Variants in NDUFAF7 observed in about 807,000 individuals in gnomAD.
NDUFAF7 encodes protein arginine methyltransferase NDUFAF7, mitochondrial.
NDUFAF7 carries 48 observed loss-of-function variants against 47.2 expected under a neutral mutation model. The observed-to-expected ratio is 1.02, with a 90% CI of 0.81 to 1.29. The LOEUF (loss-of-function observed/expected upper bound fraction) is 1.29. NDUFAF7 is among the 50% of genes most tolerant of loss of function. The pLI is 0.00. For synonymous variants in NDUFAF7, 217 were observed against 190.0 expected (o/e 1.14, Z -1.17); for missense variants, 635 against 537.6 (o/e 1.18, Z -1.79).
At chr2:37,245,990 A>T (rs1470112300) in intron 7 of NDUFAF7, 62 bp from the exon 8 acceptor site, 5 of 1,577,958 alleles carry the variant, frequency 3.2e-6, no homozygotes, top group Non-Finnish European at 4.3e-6. Context: ...AACCTGAAAA[A>T]CCGTAAGGAA....
the NDUFAF7 span, among the ~76,000 whole-genome samples, chr2:37,259,846 C>T: frequency 2.0e-5 from 3 of 152,184 alleles, no homozygotes; most frequent in Non-Finnish European, 4.4e-5. Flanking sequence ...AATCACCCAA[C>T]ATGTAAAAGT....
At chr2:37,251,788 C>G (rs1399589408), downstream of NDUFAF7, 1 of 152,006 alleles carries the variant, frequency 6.6e-6, no homozygotes, top group Non-Finnish European at 1.5e-5. Flanking sequence ...GCCGACAGAC[C>G]TGCCATCTGT....
chr2:37,250,106 T>A (rs1179268169), downstream of NDUFAF7, among the ~76,000 whole-genome samples: 1 of 152,084 alleles, frequency 6.6e-6, no homozygotes, highest in Non-Finnish European at 1.5e-5. Flanking sequence ...AAGACAGTTC[T>A]TCCAATGTGG....
chr2:37,233,848 G>A (rs1665466970), intron 2 of NDUFAF7, among the ~76,000 whole-genome samples: 1 of 151,976 alleles, frequency 6.6e-6, no homozygotes, highest in Non-Finnish European at 1.5e-5. Context: ...TCATGAAGCT[G>A]GATGGAAAAA....
chr2:37,257,861 C>T (rs1668105092), downstream of NDUFAF7, among the ~76,000 whole-genome samples: 1 of 152,068 alleles, frequency 6.6e-6, no homozygotes, highest in Non-Finnish European at 1.5e-5. Context: ...AACAGCAACA[C>T]TTTTCTATCA....
downstream of NDUFAF7, chr2:37,254,070 A>G: frequency 3.1e-6 from 2 of 651,542 alleles, no homozygotes; most frequent in South Asian, 1.9e-5. Flanking sequence ...CCAGAGATTC[A>G]GCCATAGTAC....
the NDUFAF7 span, among the ~76,000 whole-genome samples, chr2:37,270,284 TA>T: frequency 0.12 from 17,484 of 142,434 alleles, 1,412 homozygotes; most frequent in East Asian, 0.36. Context: ...CAAATCTACC[TA>T]AAAAAAATTA....
downstream of NDUFAF7, chr2:37,256,628 A>ATTTTTTTTTTTTT (rs56389006): frequency 1.7e-6 from 2 of 1,202,288 alleles, no homozygotes; most frequent in East Asian, 6.3e-5. Flanking sequence ...CATAGCCAAA[A>ATTTTTTTTTTTTT]TTTTTTTTTT....
At chr2:37,244,897 G>T (rs1666743911) in intron 7 of NDUFAF7, among the ~76,000 whole-genome samples, 10 of 148,644 alleles carry the variant, frequency 6.7e-5, no homozygotes, top group Admixed American at 6.6e-4. Flanking sequence ...TTTAGTTCTT[G>T]ACCTAATTAG....
intron 1 of NDUFAF7, 103 bp from the exon 2 acceptor site, chr2:37,232,003 C>T: frequency 6.2e-7 from 1 of 1,603,948 alleles, no homozygotes; most frequent in South Asian, 1.1e-5. Flanking sequence ...TGCGGTGGGG[C>T]GAGGTTAAGG....
At chr2:37,253,078 C>G (rs754006585), downstream of NDUFAF7, 194 of 1,233,292 alleles carry the variant, frequency 1.6e-4, no homozygotes, top group Non-Finnish European at 2.1e-4. Flanking sequence ...TTCTTCATAT[C>G]TTTGCAGCAC....
intron 1 of NDUFAF7, 154 bp downstream of exon 1, chr2:37,231,914 C>A: frequency 6.3e-7 from 1 of 1,590,454 alleles, no homozygotes; most frequent in Non-Finnish European, 8.5e-7. Context: ...GGTACAAACG[C>A]AATAGGGCTG....
intron 4 of NDUFAF7, 50 bp from the exon 5 acceptor site, chr2:37,241,528 T>C (rs1666327588): frequency 2.1e-6 from 3 of 1,445,000 alleles, no homozygotes; most frequent in Non-Finnish European, 2.9e-6. Flanking sequence ...ATTAGGAAAC[T>C]TAAAACCTAC....
intron 7 of NDUFAF7, among the ~76,000 whole-genome samples, chr2:37,245,354 A>G (rs186713655): frequency 6.6e-6 from 1 of 152,308 alleles, no homozygotes; most frequent in Non-Finnish European, 1.5e-5. Context: ...TTTCAATCAG[A>G]TCAGGAAGTA....
chr2:37,258,437 T>G, the NDUFAF7 span, among the ~76,000 whole-genome samples: 4 of 152,194 alleles, frequency 2.6e-5, no homozygotes, highest in African/African-American at 4.8e-5. Context: ...GGCAACTGAT[T>G]AAAGAAGTGG....
At chr2:37,268,309 G>A in the NDUFAF7 span, 1 of 471,036 alleles carries the variant, frequency 2.1e-6, no homozygotes, top group Non-Finnish European at 4.4e-6. Context: ...ACCTCGGACA[G>A]TTCTTTGTTC....
the NDUFAF7 span, chr2:37,260,192 C>T: frequency 6.4e-7 from 1 of 1,553,270 alleles, no homozygotes; most frequent in Non-Finnish European, 8.7e-7. Context: ...TTTTTAATCG[C>T]TAGTTTAAAA....
the NDUFAF7 span, among the ~76,000 whole-genome samples, chr2:37,263,741 A>T: frequency 6.6e-6 from 1 of 152,202 alleles, no homozygotes; most frequent in Non-Finnish European, 1.5e-5. Context: ...GAATCAGCAA[A>T]AACAGTTGTG....
At chr2:37,259,027 T>C in the NDUFAF7 span, among the ~76,000 whole-genome samples, 1 of 147,998 alleles carries the variant, frequency 6.8e-6, no homozygotes, top group African/African-American at 2.5e-5. Context: ...ATGCAATAAA[T>C]TTAGTGGATC....
Sources: gnomAD v4.1 joint callset for allele counts (sites outside exome capture counted in the v4.1 genomes callset) on GRCh38, gnomAD v4.1.1 for gene constraint, MANE v1.5 for transcripts, NCBI Gene and HGNC (gene_info 2026-07-23, HGNC 2026-07-21) for gene names.